ANK3: variants seen among roughly 807,000 people sequenced by gnomAD.
ANK3 encodes ankyrin-3.
In ANK3, 57 loss-of-function variants were observed where a neutral mutation model predicts 370.9. The ratio of observed to expected loss-of-function variants is 0.15; its 90% CI spans 0.12 to 0.19. The LOEUF is 0.19. ANK3 is among the 10% of genes least tolerant of loss of function. ANK3 has a pLI of 1.00. For synonymous variants in ANK3, 1,929 were observed against 1,946.3 expected (o/e 0.99, Z 0.23); for missense variants, 4,439 against 5,302.1 (o/e 0.84, Z 5.06).
At chr10:60,318,199 C>A (rs540410905) in intron 1 of ANK3, among the ~76,000 whole-genome samples, 1 of 152,120 alleles carries the variant, frequency 6.6e-6, no homozygotes, top group South Asian at 2.1e-4. Context: ...ATCAACCCAT[C>A]ACCTAGTTAT....
At chr10:60,700,169 T>C (rs551190502) in intron 1 of ANK3, among the ~76,000 whole-genome samples, 4 of 152,256 alleles carry the variant, frequency 2.6e-5, no homozygotes, top group Admixed American at 6.5e-5. Context: ...TAAAGATACA[T>C]GCATTAAAAA....
Position 60,106,075 on chromosome 10 carries a change from A to C in ANK3, c.3174-16T>G. 6.3e-7 allele frequency: 1 copy of C among 1,592,036 alleles called. No homozygotes were observed. Among genetic ancestry groups the C allele is most frequent in the South Asian group, 1.2e-5 (1 of 85,838 alleles). On this transcript the variant is annotated splice_polypyrimidine_tract_variant and intron_variant, in intron 27 of 43. Transcript: ENST00000280772. ...TATGACAGGGCTGGAAAAAAAATCC[A>C]CATTATTTTGGTATCAAATTAAATA...
At chr10:60,144,289 A>G (rs887156655) in intron 23 of ANK3, 9 of 380,448 alleles carry the variant, frequency 2.4e-5, no homozygotes, top group African/African-American at 2.0e-4. Flanking sequence ...TGGTTGCCTA[A>G]TGTATCACTA....
At chr10:60,086,920 T>A in intron 29 of ANK3, 36 bp from the exon 30 acceptor site, 1 of 331,986 alleles carries the variant, frequency 3.0e-6, no homozygotes, top group Non-Finnish European at 4.3e-6. Flanking sequence ...TGAAAGTGAC[T>A]TTTTTTTTTT....
At chr10:60,502,378 G>A (rs1466050159) in intron 2 of ANK3, among the ~76,000 whole-genome samples, 1 of 152,210 alleles carries the variant, frequency 6.6e-6, no homozygotes, top group African/African-American at 2.4e-5. Flanking sequence ...TCCAGTGCTG[G>A]ACAGACCTGA....
intron 1 of ANK3, among the ~76,000 whole-genome samples, chr10:60,367,965 G>C (rs941330507): frequency 6.6e-5 from 10 of 152,158 alleles, no homozygotes; most frequent in Non-Finnish European, 1.3e-4. Flanking sequence ...TGTGAATGCA[G>C]ATGGAAATTT....
At chr10:60,513,196 G>T (rs1296977311) in intron 2 of ANK3, among the ~76,000 whole-genome samples, 1 of 152,100 alleles carries the variant, frequency 6.6e-6, no homozygotes, top group Non-Finnish European at 1.5e-5. Context: ...AATAGTGATT[G>T]ATCCATAGGT....
intron 24 of ANK3, among the ~76,000 whole-genome samples, 165 bp from the exon 25 acceptor site, chr10:60,134,538 A>G (rs1476800588): frequency 6.6e-6 from 1 of 152,250 alleles, no homozygotes; most frequent in South Asian, 2.1e-4. Context: ...TATTTGAGAA[A>G]ATGTCTTCAG....
At chr10:60,242,167 C>T (rs1212617407) in intron 7 of ANK3, among the ~76,000 whole-genome samples, 1 of 152,074 alleles carries the variant, frequency 6.6e-6, no homozygotes, top group Non-Finnish European at 1.5e-5. Context: ...TGGAAGGCCC[C>T]TACAACTGAA....
At position 60,140,331 on chromosome 10, in the gene ANK3, A is replaced by G. The variant is rs150793504; in HGVS notation, c.2615-1244T>C. 12 of 1,613,308 alleles carry G rather than the reference A, an allele frequency of 7.4e-6. No homozygotes were observed. In the South Asian group the frequency reaches 9.9e-5, roughly 13 times the overall value. ...TCTCAAACAAAAACAGCACACACCA[A>G]GTACAACTCAAAGATCTTACTCTGC... On this transcript the variant is annotated intron_variant, in intron 23 of 43. Transcript: ENST00000280772.
At chr10:60,082,584 A>G in intron 34 of ANK3, 31 bp downstream of exon 34, 1 of 1,606,676 alleles carries the variant, frequency 6.2e-7, no homozygotes, top group Non-Finnish European at 8.5e-7. Flanking sequence ...AAGACCAGGG[A>G]AAGACAATTT....
chr10:60,612,352 G>C, intron 2 of ANK3, among the ~76,000 whole-genome samples: 1 of 152,100 alleles, frequency 6.6e-6, no homozygotes, highest in African/African-American at 2.4e-5. Flanking sequence ...ATACCAGATG[G>C]GTTAAAGGCC....
At chr10:60,480,308 T>C (rs1489922318) in intron 2 of ANK3, among the ~76,000 whole-genome samples, 1 of 152,154 alleles carries the variant, frequency 6.6e-6, no homozygotes, top group Non-Finnish European at 1.5e-5. Flanking sequence ...TAAACATGTT[T>C]AAAGCCATGG....
At chr10:60,139,532 A>C (rs1423792430) in intron 23 of ANK3, 1 of 155,346 alleles carries the variant, frequency 6.4e-6, no homozygotes, top group Non-Finnish European at 1.4e-5. Context: ...CATTTAAAAA[A>C]AAAACTGGTT....
rs1361483331 is a variant in ANK3 at position 60,071,297 on chromosome 10, C to T, written c.9584G>A (p.Gly3195Asp). ...TPDSLIAYIP[G>D]KPSPIPEVSE... ...AACCTCGGGAATTGGGCTGGGTTTG[C>T]CTGGTATATAAGCTATGAGCGAGTC... Residue 3195 changes from glycine to aspartate, a missense_variant, in exon 37 of 44, where the codon GGC (glycine) becomes GAC (aspartate). Gly to Asp is a moderately conservative substitution (Grantham distance 94). Around this residue, in one of 13 missense-constraint regions of ANK3, gnomAD observed 1,601 missense variants for 1,731.7 expected, o/e 0.92. Transcript: ENST00000280772. 1.2e-6 allele frequency: 2 copies of T among 1,614,090 alleles called. No individual in the cohort carries two copies. Among genetic ancestry groups the T allele is most frequent in the South Asian group, 1.1e-5 (1 of 91,070 alleles).
At chr10:60,514,849 T>G (rs899568559) in intron 2 of ANK3, among the ~76,000 whole-genome samples, 1 of 152,132 alleles carries the variant, frequency 6.6e-6, no homozygotes, top group Non-Finnish European at 1.5e-5. Flanking sequence ...TTAATAAAAA[T>G]AAACACATAA....
intron 2 of ANK3, among the ~76,000 whole-genome samples, chr10:60,594,488 T>C (rs762656101): frequency 3.9e-5 from 6 of 152,198 alleles, no homozygotes; most frequent in African/African-American, 1.2e-4. Context: ...GTCTTATTCT[T>C]TCAAAAATAT....
At chr10:60,327,057 T>C (rs963325460) in intron 1 of ANK3, among the ~76,000 whole-genome samples, 18 of 151,250 alleles carry the variant, frequency 1.2e-4, no homozygotes, top group Non-Finnish European at 1.9e-4. Flanking sequence ...ACTGGCCTCA[T>C]AAAGCAAGTC....
chr10:60,580,390 T>C (rs959891442), intron 2 of ANK3, among the ~76,000 whole-genome samples: 29 of 152,190 alleles, frequency 1.9e-4, no homozygotes, highest in African/African-American at 5.8e-4. Flanking sequence ...AACACCATGG[T>C]TTCTTTGGTA....
Sources: allele counts gnomAD v4.1 joint callset (sites outside exome capture counted in the v4.1 genomes callset), GRCh38; gene constraint gnomAD v4.1.1; regional missense constraint gnomAD v4.1.1; transcripts MANE v1.5; gene names NCBI Gene and HGNC (gene_info 2026-07-23, HGNC 2026-07-21).